DMD: variants seen among roughly 807,000 people sequenced by gnomAD.
DMD encodes the protein dystrophin, also known as mutant dystrophin.
In DMD, 63 loss-of-function variants were observed where a neutral mutation model predicts 330.1. The observed-to-expected ratio is 0.19, with a 90% CI of 0.16 to 0.24. The LOEUF (loss-of-function observed/expected upper bound fraction) is 0.24. Among genes scored for constraint, DMD ranks in the 10% least tolerant of loss-of-function variants. The pLI is 1.00. For missense variants in DMD, 3,344 were observed against 2,684.1 expected, an observed-to-expected ratio of 1.25 and a Z score of -5.43; for synonymous variants, 1,223 against 959.8, an observed-to-expected ratio of 1.27 and a Z score of -5.07.
intron 30 of DMD, among the ~76,000 whole-genome samples, chrX:32,394,328 A>C (rs1383773672): frequency 1.8e-5 from 2 of 111,631 alleles, no homozygotes; most frequent in African/African-American, 6.5e-5. Context: ...AATCATGTTA[A>C]CAGTAACCAG....
chrX:32,800,459 TG>T (rs2076471842), intron 7 of DMD, among the ~76,000 whole-genome samples: 1 of 111,945 alleles, frequency 8.9e-6, no homozygotes, highest in Non-Finnish European at 1.9e-5. Flanking sequence ...AATGTGTACT[TG>T]GTGGTTTCCC....
chrX:32,886,475 A>C (rs1439265372), intron 2 of DMD, among the ~76,000 whole-genome samples: 1 of 110,982 alleles, frequency 9.0e-6, no homozygotes, highest in East Asian at 2.8e-4. Context: ...CAAGGTCAGG[A>C]GATCGAGACC....
intron 60 of DMD, among the ~76,000 whole-genome samples, chrX:31,431,090 G>A (rs958001921): frequency 4.5e-5 from 5 of 109,997 alleles, no homozygotes; most frequent in South Asian, 3.9e-4. Flanking sequence ...GTGAGCCACC[G>A]CGCCTGGACA....
intron 2 of DMD, among the ~76,000 whole-genome samples, chrX:33,018,456 G>A (rs1266476337): frequency 9.0e-6 from 1 of 111,676 alleles, no homozygotes. Context: ...ATAAATAGAG[G>A]ATGGATTGGA....
At chrX:31,273,466 A>G (rs1348977453) in intron 62 of DMD, among the ~76,000 whole-genome samples, 1 of 111,595 alleles carries the variant, frequency 9.0e-6, no homozygotes, top group Non-Finnish European at 1.9e-5. Flanking sequence ...TGCCTAAATT[A>G]CCCCTTTCTG....
intron 4 of DMD, among the ~76,000 whole-genome samples, chrX:32,843,423 A>C (rs1316615411): frequency 4.5e-5 from 5 of 111,859 alleles, no homozygotes; most frequent in Non-Finnish European, 7.5e-5. Context: ...GGAGTGAAAA[A>C]TCTAGTTAAT....
chrX:31,585,694 A>G (rs979900971), intron 55 of DMD, among the ~76,000 whole-genome samples: 2 of 110,711 alleles, frequency 1.8e-5, no homozygotes, highest in African/African-American at 6.6e-5. Flanking sequence ...ATTCTTTAGG[A>G]GGTTTTGCTG....
intron 17 of DMD, among the ~76,000 whole-genome samples, chrX:32,542,529 G>A (rs2048582014): frequency 8.9e-6 from 1 of 111,917 alleles, no homozygotes; most frequent in Admixed American, 9.5e-5. Flanking sequence ...AAGAGTCGTG[G>A]GTGACAACTG....
At chrX:33,041,307 C>G in intron 1 of DMD, 2 of 1,038,399 alleles carry the variant, frequency 1.9e-6, no homozygotes, top group Non-Finnish European at 2.6e-6. Flanking sequence ...GCGCCGGCGA[C>G]CAAGCCTAAA....
intron 13 of DMD, among the ~76,000 whole-genome samples, chrX:32,575,344 A>G (rs1209094773): frequency 8.9e-6 from 1 of 112,587 alleles, no homozygotes; most frequent in Non-Finnish European, 1.9e-5. Flanking sequence ...ACTTATATGC[A>G]GCTCAATCAT....
intron 1 of DMD, among the ~76,000 whole-genome samples, chrX:33,208,510 G>A (rs769562206): frequency 3.6e-5 from 4 of 110,664 alleles, no homozygotes; most frequent in Middle Eastern, 4.6e-3. Flanking sequence ...TTCCTGGTTC[G>A]TTCTGTGTTG....
intron 54 of DMD, among the ~76,000 whole-genome samples, chrX:31,641,586 A>G (rs906990316): frequency 9.0e-6 from 1 of 110,790 alleles, no homozygotes; most frequent in African/African-American, 3.3e-5. Flanking sequence ...ATAACAACTC[A>G]GAGAAAAGTG....
At chrX:33,152,489 C>T (rs756801829) in intron 1 of DMD, among the ~76,000 whole-genome samples, 62 of 110,728 alleles carry the variant, frequency 5.6e-4, no homozygotes, top group Middle Eastern at 4.7e-3. Flanking sequence ...TCCTATTTTT[C>T]TAATGAGAAA....
At chrX:32,620,612 T>A (rs773603892) in intron 11 of DMD, among the ~76,000 whole-genome samples, 1 of 112,229 alleles carries the variant, frequency 8.9e-6, no homozygotes, top group Admixed American at 9.4e-5. Flanking sequence ...AAGCAAAAAC[T>A]GAAAGTTGCT....
intron 44 of DMD, among the ~76,000 whole-genome samples, chrX:32,189,214 C>A (rs1249472330): frequency 1.8e-5 from 2 of 109,727 alleles, no homozygotes; most frequent in Non-Finnish European, 3.8e-5. Context: ...TTGAGGTTAT[C>A]ATTACTATTA....
intron 4 of DMD, among the ~76,000 whole-genome samples, chrX:32,839,530 G>A (rs1429325421): frequency 1.8e-5 from 2 of 111,585 alleles, no homozygotes; most frequent in African/African-American, 6.5e-5. Context: ...AAGGAAATTT[G>A]GATAGGACTT....
chrX:32,628,966 G>A (rs1424123223), intron 11 of DMD, among the ~76,000 whole-genome samples: 1 of 111,986 alleles, frequency 8.9e-6, no homozygotes, highest in Non-Finnish European at 1.9e-5. Flanking sequence ...TCCATGTGCT[G>A]AGAAGAAGAA....
chrX:32,489,403 A>AAG (rs1348811367), intron 20 of DMD, among the ~76,000 whole-genome samples: 4 of 110,517 alleles, frequency 3.6e-5, no homozygotes, highest in African/African-American at 1.3e-4. Flanking sequence ...GGCAGAGATA[A>AAG]AGAGAGAGAG....
chrX:31,608,846 G>A lies in DMD; in HGVS notation c.8217+18827C>T, dbSNP rs1400952175. Among the ~76,000 whole-genome samples, 5 of 111,644 alleles carry A rather than the reference G, an allele frequency of 4.5e-5. No individual in the cohort carries two copies. The Admixed American group carries it at 4.8e-4, about 11-fold the overall frequency. On this transcript the variant is annotated intron_variant, in intron 55 of 78. Transcript: ENST00000357033. ...ACATGGCCAACCCCTAAGACTAGGGGTTGGGAAGTACATTCCACTCATAAG... is the reference window on the plus strand; with the variant it reads ...ACATGGCCAACCCCTAAGACTAGGGATTGGGAAGTACATTCCACTCATAAG...
Sources: allele counts gnomAD v4.1 joint callset (sites outside exome capture counted in the v4.1 genomes callset), GRCh38; gene constraint gnomAD v4.1.1; transcripts MANE v1.5; gene names NCBI Gene and HGNC (gene_info 2026-07-23, HGNC 2026-07-21).